Variants in TTC7A observed in about 807,000 individuals in gnomAD.
TTC7A encodes tetratricopeptide repeat protein 7A.
TTC7A carries 110 observed loss-of-function variants against 103.7 expected under a neutral mutation model. That is an observed-to-expected ratio of 1.06 (90% CI 0.91 to 1.24). The LOEUF is 1.24. TTC7A is among the 50% of genes most tolerant of loss of function. The pLI, the probability that TTC7A is intolerant of heterozygous loss-of-function variation, is 0.00. For synonymous variants in TTC7A, 521 were observed against 467.9 expected, an observed-to-expected ratio of 1.11 and a Z score of -1.47; for missense variants, 1,340 against 1,116.3, an observed-to-expected ratio of 1.20 and a Z score of -2.86.
chr2:47,038,143 C>G (rs889451442), intron 15 of TTC7A, among the ~76,000 whole-genome samples: 37 of 152,044 alleles, frequency 2.4e-4, no homozygotes, highest in African/African-American at 8.9e-4. Context: ...CCTGTTGTCC[C>G]AGCTACTCAG....
At chr2:46,954,594 C>T (rs933880999) in intron 2 of TTC7A, among the ~76,000 whole-genome samples, 1 of 120,988 alleles carries the variant, frequency 8.3e-6, no homozygotes, top group Non-Finnish European at 1.6e-5. Context: ...TTTGAGACAA[C>T]GGAGTCTCGC....
chr2:46,939,471 T>C (rs1473440486), upstream of TTC7A, among the ~76,000 whole-genome samples: 1 of 152,074 alleles, frequency 6.6e-6, no homozygotes, highest in Non-Finnish European at 1.5e-5. Flanking sequence ...TGAAGACTGT[T>C]CCTCCCCACA....
At position 47,042,700 on chromosome 2, in the gene TTC7A, G is replaced by GTGTA. The variant is rs777100157; in HGVS notation, c.1803-3613_1803-3610dup. On this transcript the variant is annotated intron_variant, in intron 15 of 19. Transcript: ENST00000319190. ...AGTGTGTGTGTGTGTGTGTGTGTGTGTGTATATATATGTATAAAGTAATTA... is the reference window on the plus strand; with the variant it reads ...AGTGTGTGTGTGTGTGTGTGTGTGTGTGTATGTATATATATGTATAAAGTAATTA... 7.3e-3 allele frequency among the ~76,000 whole-genome samples: 997 copies of GTGTA among 137,204 alleles called. 9 individuals carry two copies. Among genetic ancestry groups the GTGTA allele is most frequent in the Non-Finnish European group, 0.013 (774 of 60,574 alleles). The allele number at this position is 137,204 out of a possible 152,430, so 90.0% of individuals were successfully genotyped here. A position where few individuals can be genotyped will look rare whatever the true frequency, so the allele number is the denominator to read the frequency against.
rs558201773 is a variant in TTC7A at position 46,974,224 on chromosome 2, A to G, written c.518-749A>G. Among the ~76,000 whole-genome samples, 5 of 152,334 alleles carry G rather than the reference A, an allele frequency of 3.3e-5. 1 individual carries two copies. The highest frequency in any genetic ancestry group is 1.2e-4 in the African/African-American group (5 of 41,580). ...GTACAGGCTCCTGCCTTTAAAGATA[A>G]CCACTTCAGTTCCTGGGCAAAAAGC... On this transcript the variant is annotated intron_variant, in intron 3 of 19. Coordinates refer to ENST00000319190, the MANE Select transcript of TTC7A (RefSeq NM_020458.4).
At chr2:46,984,868 A>G (rs958137075) in intron 5 of TTC7A, among the ~76,000 whole-genome samples, 1 of 152,154 alleles carries the variant, frequency 6.6e-6, no homozygotes, top group South Asian at 2.1e-4. Flanking sequence ...TGGGGCGTGG[A>G]AGGACAGCCT....
At chr2:47,038,931 A>G (rs548511902) in intron 15 of TTC7A, among the ~76,000 whole-genome samples, 88 of 152,188 alleles carry the variant, frequency 5.8e-4, no homozygotes, top group Non-Finnish European at 9.7e-4. Flanking sequence ...CAAAGATAAG[A>G]AAGACCTAGT....
Position 46,950,348 on chromosome 2 carries a change from T to A in TTC7A, c.185-15T>A. On this transcript the variant is annotated splice_polypyrimidine_tract_variant and intron_variant, in intron 1 of 19. Transcript: ENST00000319190. ...GTTCGGGGTTTGCTGCTCTGACCCC[T>A]ACTTTGCTTTTCAGATGACTTTGGG... 3 of 1,613,858 alleles carry A rather than the reference T, an allele frequency of 1.9e-6. No individual in the cohort carries two copies. Among genetic ancestry groups the A allele is most frequent in the Non-Finnish European group, 2.5e-6 (3 of 1,179,948 alleles).
chr2:47,015,206 G>A (rs1237629037), intron 11 of TTC7A, among the ~76,000 whole-genome samples: 1 of 152,214 alleles, frequency 6.6e-6, no homozygotes, highest in Non-Finnish European at 1.5e-5. Flanking sequence ...CTCCTGCCAG[G>A]GTCCCTATTT....
intron 14 of TTC7A, among the ~76,000 whole-genome samples, chr2:47,027,955 T>G (rs983802610): frequency 6.6e-6 from 1 of 152,204 alleles, no homozygotes; most frequent in Non-Finnish European, 1.5e-5. Flanking sequence ...CCCCAGACCC[T>G]GTCAGGAGTG....
chr2:47,063,794 G>A (rs1288031431), intron 19 of TTC7A, among the ~76,000 whole-genome samples: 1 of 152,252 alleles, frequency 6.6e-6, no homozygotes, highest in Non-Finnish European at 1.5e-5. Flanking sequence ...AGCCCTCTGA[G>A]GTCGTGGGTG....
chr2:47,039,977 A>G lies in TTC7A; in HGVS notation c.1803-6338A>G, dbSNP rs560708450. 5.9e-5 allele frequency among the ~76,000 whole-genome samples: 9 copies of G among 152,204 alleles called. No individual in the cohort carries two copies. The East Asian group carries it at 1.7e-3, about 29-fold the overall frequency. ...ATGTCCCCTGGTTCAGCAGGGGCTG[A>G]CTCTGTTAGGTCACCTGAGTGCCTT... On this transcript the variant is annotated intron_variant, in intron 15 of 19. Coordinates refer to ENST00000319190, the MANE Select transcript of TTC7A (RefSeq NM_020458.4).
chr2:47,049,523 C>A (rs992539628), intron 16 of TTC7A, among the ~76,000 whole-genome samples: 1 of 152,044 alleles, frequency 6.6e-6, no homozygotes, highest in Non-Finnish European at 1.5e-5. Context: ...CAGGGGGTGA[C>A]ATCCGGGCCC....
chr2:47,019,729 C>G (rs1679072650), intron 11 of TTC7A, among the ~76,000 whole-genome samples: 1 of 148,700 alleles, frequency 6.7e-6, no homozygotes, highest in Non-Finnish European at 1.5e-5. Context: ...GGAGCTGAAG[C>G]TGGCATTTGC....
chr2:46,965,964 TC>T (rs1672798417), intron 3 of TTC7A, among the ~76,000 whole-genome samples: 1 of 151,924 alleles, frequency 6.6e-6, no homozygotes, highest in African/African-American at 2.4e-5. Context: ...CTTTTTTTTT[TC>T]TTGAGGTGGA....
intron 4 of TTC7A, chr2:46,978,150 G>A (rs1382251317): frequency 2.0e-5 from 3 of 152,440 alleles, no homozygotes; most frequent in Non-Finnish European, 2.9e-5. Context: ...TGCGTGAAGC[G>A]GTCTCTCTAC....
At chr2:47,024,210 G>A in intron 13 of TTC7A, 77 bp from the exon 14 acceptor site, 2 of 1,326,028 alleles carry the variant, frequency 1.5e-6, no homozygotes, top group Non-Finnish European at 2.1e-6. Flanking sequence ...GCACAGGGCT[G>A]GCATGCTGGA....
At chr2:47,014,830 G>A (rs1678466319) in intron 11 of TTC7A, among the ~76,000 whole-genome samples, 1 of 152,268 alleles carries the variant, frequency 6.6e-6, no homozygotes, top group African/African-American at 2.4e-5. Flanking sequence ...GTTGTGCTGG[G>A]TGAAGCTGGA....
At chr2:47,008,461 C>T (rs1473099421) in intron 10 of TTC7A, among the ~76,000 whole-genome samples, 1 of 152,244 alleles carries the variant, frequency 6.6e-6, no homozygotes, top group East Asian at 1.9e-4. Context: ...ACCATCCCAG[C>T]ATCCAGGGAG....
chr2:46,973,684 T>G (rs773811864), intron 3 of TTC7A, among the ~76,000 whole-genome samples: 1 of 152,122 alleles, frequency 6.6e-6, no homozygotes, highest in Non-Finnish European at 1.5e-5. Flanking sequence ...TGAGTCCCTA[T>G]AGTGACACAA....
Sources: gnomAD v4.1 joint callset for allele counts (sites outside exome capture counted in the v4.1 genomes callset) on GRCh38, gnomAD v4.1.1 for gene constraint, MANE v1.5 for transcripts, NCBI Gene and HGNC (gene_info 2026-07-23, HGNC 2026-07-21) for gene names.